PLXDC2: variants seen among roughly 807,000 people sequenced by gnomAD.
PLXDC2 encodes plexin domain containing 2.
In PLXDC2, 40 loss-of-function variants were observed where a neutral mutation model predicts 68.9. The observed-to-expected ratio is 0.58, with a 90% CI of 0.45 to 0.76. The LOEUF (loss-of-function observed/expected upper bound fraction) is 0.76, where lower values mean the gene tolerates loss of function less well. Among genes scored for constraint, PLXDC2 ranks in the 30% least tolerant of loss-of-function variants. The pLI is 0.00. For missense variants in PLXDC2, 644 were observed against 661.9 expected (o/e 0.97, Z 0.30); for synonymous variants, 243 against 234.2 (o/e 1.04, Z -0.34).
At chr10:20,146,329 C>A (rs1162860609) in intron 5 of PLXDC2, among the ~76,000 whole-genome samples, 1 of 151,398 alleles carries the variant, frequency 6.6e-6, no homozygotes, top group Non-Finnish European at 1.5e-5. Context: ...GTTTTCTCTT[C>A]TTTTCTTTTC....
intron 1 of PLXDC2, among the ~76,000 whole-genome samples, chr10:19,968,118 G>C (rs1319089522): frequency 1.3e-5 from 2 of 152,208 alleles, no homozygotes; most frequent in Admixed American, 6.5e-5. Flanking sequence ...GAAGTTACAA[G>C]TAAACAGGTC....
chr10:19,847,823 G>A (rs909772366), intron 1 of PLXDC2, among the ~76,000 whole-genome samples: 1 of 152,038 alleles, frequency 6.6e-6, no homozygotes, highest in African/African-American at 2.4e-5. Flanking sequence ...TTTAAAGATG[G>A]GTAACTGATG....
At chr10:19,885,049 C>T (rs1476580764) in intron 1 of PLXDC2, among the ~76,000 whole-genome samples, 1 of 152,154 alleles carries the variant, frequency 6.6e-6, no homozygotes, top group Non-Finnish European at 1.5e-5. Flanking sequence ...GCCATTGTAA[C>T]TGGTGTGAGA....
In PLXDC2 at chr10:20,280,731, G is replaced by A. The variant is rs1449182481; in HGVS notation, c.*912G>A. Reference sequence around the variant, plus strand: ...CCTTAATCATTTTTGAAACAAAAATGTTAAGGGATTTTAAACATATGATTA... The same window carrying A: ...CCTTAATCATTTTTGAAACAAAAATATTAAGGGATTTTAAACATATGATTA... On this transcript the variant is annotated 3_prime_UTR_variant, in exon 14 of 14. Coordinates refer to ENST00000377252, the MANE Select transcript of PLXDC2 (RefSeq NM_032812.9). 6.6e-6 allele frequency: 1 copy of A among 152,042 alleles called. No homozygotes were observed. Among genetic ancestry groups the A allele is most frequent in the Admixed American group, 6.6e-5 (1 of 15,250 alleles). The allele number at this position is 152,042 out of a possible 1,614,324, so 9.4% of individuals were successfully genotyped here.
intron 1 of PLXDC2, among the ~76,000 whole-genome samples, chr10:19,998,675 ATC>A (rs1266673614): frequency 6.6e-6 from 1 of 152,146 alleles, no homozygotes; most frequent in Non-Finnish European, 1.5e-5. Context: ...CAAGCAAGAG[ATC>A]TGTTTTCCAA....
intron 4 of PLXDC2, among the ~76,000 whole-genome samples, chr10:20,103,263 G>T (rs537759774): frequency 4.6e-5 from 7 of 152,146 alleles, no homozygotes; most frequent in Admixed American, 4.6e-4. Flanking sequence ...AACCTGCCTG[G>T]GTTGTATTTG....
At chr10:19,824,196 GT>G (rs1037413683) in intron 1 of PLXDC2, among the ~76,000 whole-genome samples, 13 of 152,186 alleles carry the variant, frequency 8.5e-5, no homozygotes, top group African/African-American at 3.1e-4. Flanking sequence ...TTTTGAACTT[GT>G]TTGTGTCTTC....
chr10:20,245,340 T>C lies in PLXDC2; in HGVS notation c.1313-5T>C, dbSNP rs78516240. On this transcript the variant is annotated splice_region_variant and splice_polypyrimidine_tract_variant and intron_variant, in intron 12 of 13. Transcript: ENST00000377252. Reference sequence around the variant, plus strand: ...AAGGTCCTGACAGCTGGGATGTTCTTTCAGCTTCTACAGATGACAGTGCAG... The same window carrying C: ...AAGGTCCTGACAGCTGGGATGTTCTCTCAGCTTCTACAGATGACAGTGCAG... 6.2e-7 allele frequency: 1 copy of C among 1,606,210 alleles called. No individual in the cohort carries two copies. Among genetic ancestry groups the C allele is most frequent in the Non-Finnish European group, 8.5e-7 (1 of 1,176,792 alleles).
At chr10:20,278,487 T>G (rs1358037603) in intron 13 of PLXDC2, among the ~76,000 whole-genome samples, 1 of 152,232 alleles carries the variant, frequency 6.6e-6, no homozygotes, top group South Asian at 2.1e-4. Flanking sequence ...TTTAAATTCT[T>G]CTTTTGGAAA....
chr10:20,103,858 G>T (rs973525749), intron 4 of PLXDC2, among the ~76,000 whole-genome samples: 4 of 152,110 alleles, frequency 2.6e-5, no homozygotes, highest in Admixed American at 1.3e-4. Flanking sequence ...GGCCAGGCTG[G>T]TCTCGAACTC....
intron 12 of PLXDC2, among the ~76,000 whole-genome samples, chr10:20,238,662 A>AAAAATATATATATATGTATATATAT (rs1175526348): frequency 1.4e-3 from 44 of 31,706 alleles, no homozygotes; most frequent in African/African-American, 4.1e-3. Flanking sequence ...TCTCAAAAAA[A>AAAAATATATATATATGTATATATAT]ATATATATAT....
In PLXDC2 at chr10:20,228,421, A is replaced by G. The variant is rs142393190; in HGVS notation, c.1312+9319A>G. On this transcript the variant is annotated intron_variant, in intron 12 of 13. Coordinates refer to ENST00000377252, the MANE Select transcript of PLXDC2 (RefSeq NM_032812.9). ...ACAAAAAAATACATAAATTAGCAAG[A>G]CATGGTGGCACACACCTGTAGTCCT... Among the ~76,000 whole-genome samples the G allele has an allele frequency of 3.9e-3, 599 of 151,818 alleles. 4 individuals are homozygous for G. The highest frequency in any genetic ancestry group is 0.013 in the African/African-American group (545 of 41,410).
At chr10:20,182,868 C>T (rs770605630) in intron 9 of PLXDC2, among the ~76,000 whole-genome samples, 39 of 151,846 alleles carry the variant, frequency 2.6e-4, no homozygotes, top group Non-Finnish European at 4.3e-4. Flanking sequence ...CCTGACAGGC[C>T]GTGGTGTGTG....
At chr10:19,948,057 A>G (rs1295309908) in intron 1 of PLXDC2, among the ~76,000 whole-genome samples, 1 of 152,222 alleles carries the variant, frequency 6.6e-6, no homozygotes, top group Non-Finnish European at 1.5e-5. Context: ...AAGTTAAAGG[A>G]TGAAATGCTT....
intron 1 of PLXDC2, among the ~76,000 whole-genome samples, chr10:19,886,347 C>T (rs774920153): frequency 3.9e-5 from 6 of 152,010 alleles, no homozygotes; most frequent in Non-Finnish European, 5.9e-5. Flanking sequence ...ACCCTTTATC[C>T]TTCATGAACA....
In PLXDC2 at chr10:20,177,338, G is replaced by A; in HGVS notation, c.990G>A (p.Gln330=). The change falls in exon 9 of 14, where the codon CAG becomes CAA. Residue 330 remains glutamine, a synonymous_variant. Transcript: ENST00000377252. The part of the protein sequence containing the change: ...VEMTPLPTCL[Q]FNRCGPCVSS... Reference sequence around the variant, plus strand: ...TTTCCTCTTCCCTAGCATGCCTCCAGTTTAACAGATGTGGCCCCTGTGTAT... The same window carrying A: ...TTTCCTCTTCCCTAGCATGCCTCCAATTTAACAGATGTGGCCCCTGTGTAT... 1 of 1,604,190 alleles carries A rather than the reference G, an allele frequency of 6.2e-7. No individual in the cohort carries two copies. The highest frequency in any genetic ancestry group is 8.5e-7 in the Non-Finnish European group (1 of 1,171,456).
chr10:20,203,999 C>T (rs1589679423), intron 9 of PLXDC2, among the ~76,000 whole-genome samples: 1 of 146,048 alleles, frequency 6.8e-6, no homozygotes. Flanking sequence ...AGTGATCCTA[C>T]AATATGTCTC....
chr10:19,891,477 A>G (rs1047382426), intron 1 of PLXDC2, among the ~76,000 whole-genome samples: 7 of 152,184 alleles, frequency 4.6e-5, no homozygotes, highest in African/African-American at 1.7e-4. Context: ...GTTTTGAATG[A>G]CATTATCCCA....
In PLXDC2 at chr10:20,245,461, A is replaced by G. The variant is rs780161026; in HGVS notation, c.1429A>G (p.Met477Val). ...CACAGCCATTCTTGTGACAGTCTAT[A>G]TGTATCACCACCCAACATCAGCAGC... Reference protein sequence around the residue: ...VATAILVTVYMYHHPTSAASI... With the variant: ...VATAILVTVYVYHHPTSAASI... The change falls in exon 13 of 14, where the codon ATG becomes GTG. Residue 477 changes from methionine (M) to valine (V), a missense_variant. Physicochemically the swap from Met to Val is conservative, Grantham distance 21. Around this residue, in one of 3 missense-constraint regions of PLXDC2, gnomAD observed 330 missense variants for 327.9 expected, o/e 1.01. Transcript: ENST00000377252. 9.3e-6 allele frequency: 15 copies of G among 1,613,048 alleles called. No homozygotes were observed. Among genetic ancestry groups the G allele is most frequent in the Non-Finnish European group, 5.9e-6 (7 of 1,179,910 alleles).
Sources: allele counts gnomAD v4.1 joint callset (sites outside exome capture counted in the v4.1 genomes callset), GRCh38; gene constraint gnomAD v4.1.1; regional missense constraint gnomAD v4.1.1; transcripts MANE v1.5; gene names NCBI Gene and HGNC (gene_info 2026-07-23, HGNC 2026-07-21).